The following SYTL2 variants were observed in gnomAD, a reference collection of about 807,000 sequenced individuals.
SYTL2 encodes the protein synaptotagmin-like protein 2.
SYTL2 carries 165 observed loss-of-function variants against 198.7 expected under a neutral mutation model. The ratio of observed to expected loss-of-function variants is 0.83; its 90% CI spans 0.73 to 0.94. SYTL2 has a LOEUF of 0.94. Ranked by LOEUF, SYTL2 falls within the 40% of genes least tolerant of loss-of-function variation. The probability of loss-of-function intolerance (pLI) is 0.00; values close to 1 mark genes in which losing one functional copy is unlikely to be tolerated. For missense variants in SYTL2, 2,835 were observed against 2,582.8 expected, an observed-to-expected ratio of 1.10 and a Z score of -2.12; for synonymous variants, 966 against 917.7, an observed-to-expected ratio of 1.05 and a Z score of -0.95.
chr11:85,792,836 T>C (rs1244912757), intron 1 of SYTL2, among the ~76,000 whole-genome samples: 2 of 151,186 alleles, frequency 1.3e-5, no homozygotes, highest in African/African-American at 2.4e-5. Context: ...TGTCCATGTG[T>C]TCTCACTGTT....
At chr11:85,709,039 C>T (rs1473520488) in intron 14 of SYTL2, among the ~76,000 whole-genome samples, 1 of 151,780 alleles carries the variant, frequency 6.6e-6, no homozygotes, top group Non-Finnish European at 1.5e-5. Flanking sequence ...GGGGTTTCAC[C>T]ATGTTAGCCA....
the SYTL2 span, among the ~76,000 whole-genome samples, chr11:85,830,388 T>C: frequency 4.6e-5 from 7 of 152,322 alleles, no homozygotes; most frequent in African/African-American, 1.4e-4. Context: ...TATAAACCCA[T>C]TGCTTTAACC....
intron 1 of SYTL2, among the ~76,000 whole-genome samples, chr11:85,793,091 G>A (rs1298373099): frequency 1.1e-4 from 17 of 151,814 alleles, no homozygotes; most frequent in African/African-American, 3.4e-4. Flanking sequence ...ATAAACATAC[G>A]TGTGCATGTG....
chr11:85,810,728 G>T (rs1191286194), intron 1 of SYTL2, among the ~76,000 whole-genome samples: 1 of 152,198 alleles, frequency 6.6e-6, no homozygotes, highest in Non-Finnish European at 1.5e-5. Flanking sequence ...CTTCCTGGCC[G>T]CCTGGGCAGC....
At chr11:85,814,152 T>G (rs1384586685), upstream of SYTL2, among the ~76,000 whole-genome samples, 4 of 152,152 alleles carry the variant, frequency 2.6e-5, no homozygotes, top group Non-Finnish European at 5.9e-5. Context: ...TAGCTAATGG[T>G]GTGATAATGG....
chr11:85,807,759 C>T, intron 1 of SYTL2, among the ~76,000 whole-genome samples: 1 of 152,202 alleles, frequency 6.6e-6, no homozygotes. Flanking sequence ...GCATTTTCAA[C>T]AGCAGCCCCA....
At position 85,725,562 on chromosome 11, in the gene SYTL2, T is replaced by C. The variant is rs779777102; in HGVS notation, c.3796A>G (p.Ile1266Val). Residue 1266 changes from isoleucine (I) to valine (V), a missense_variant, in exon 8 of 20, where the codon ATA becomes GTA. By Grantham distance (29) the Ile-to-Val change is conservative. Coordinates refer to ENST00000359152, the MANE Select transcript of SYTL2 (RefSeq NM_206927.4). ...SHNTSADKRE[I>V]LAPFPVRDET... ...TCTCTCACTGGAAAAGGAGCTAGTA[T>C]TTCTCTCTTATCAGCTGAAGTATTG... is the stretch of plus-strand genomic sequence containing the variant. 1 of 1,614,130 alleles carries C rather than the reference T, an allele frequency of 6.2e-7. No homozygotes were observed. The highest frequency in any genetic ancestry group is 1.1e-5 in the South Asian group (1 of 91,078).
chr11:85,820,327 T>TG, the SYTL2 span, among the ~76,000 whole-genome samples: 1 of 152,258 alleles, frequency 6.6e-6, no homozygotes, highest in Admixed American at 6.5e-5. Flanking sequence ...TTATTTCATT[T>TG]AGAAACATTA....
At chr11:85,813,158 AG>A (rs1035892396), upstream of SYTL2, among the ~76,000 whole-genome samples, 28 of 152,164 alleles carry the variant, frequency 1.8e-4, no homozygotes, top group African/African-American at 6.5e-4. Context: ...ATTTTAAGGC[AG>A]GGTCTTGTTA....
Position 85,700,540 on chromosome 11 carries a change from G to A in SYTL2, c.6243C>T (p.Leu2081=). 1 of 1,613,924 alleles carries A rather than the reference G, an allele frequency of 6.2e-7. No individual in the cohort carries two copies. Residue 2081 remains leucine (L), a synonymous_variant, in exon 17 of 20, where the codon CTC becomes CTT. Coordinates refer to ENST00000359152, the MANE Select transcript of SYTL2 (RefSeq NM_206927.4). ...CAGGGACTGGCTCTGGGACATACTG[G>A]AGAGCTAGTTTCATTTCACCTCTGT... ...AENRGEMKLA[L]QYVPEPVPGK...
intron 11 of SYTL2, among the ~76,000 whole-genome samples, chr11:85,715,409 A>G: frequency 6.6e-6 from 1 of 152,280 alleles, no homozygotes; most frequent in East Asian, 1.9e-4. Flanking sequence ...TTTCTAATCT[A>G]ATAAATATCA....
chr11:85,767,953 C>T (rs1323149472), intron 1 of SYTL2, among the ~76,000 whole-genome samples: 1 of 152,218 alleles, frequency 6.6e-6, no homozygotes, highest in East Asian at 1.9e-4. Context: ...GGCAAGGTCA[C>T]GTGAGCTCAG....
intron 7 of SYTL2, among the ~76,000 whole-genome samples, chr11:85,729,788 C>T (rs138854150): frequency 1.1e-3 from 162 of 152,218 alleles, no homozygotes; most frequent in African/African-American, 3.7e-3. Context: ...TTCAAAAAAT[C>T]AATGAATCCA....
chr11:85,721,060 G>T (rs1431391469), intron 8 of SYTL2, 101 bp from the exon 9 acceptor site: 16 of 677,884 alleles, frequency 2.4e-5, no homozygotes, highest in Non-Finnish European at 3.5e-5. Context: ...GAGACATTAT[G>T]CTATGAGTTT....
chr11:85,814,763 G>A (rs890739154), upstream of SYTL2, among the ~76,000 whole-genome samples: 3 of 152,108 alleles, frequency 2.0e-5, no homozygotes, highest in Non-Finnish European at 4.4e-5. Flanking sequence ...AATATTTATT[G>A]GTAGCATAAG....
At chr11:85,736,747 A>C in intron 5 of SYTL2, 132 bp from the exon 6 acceptor site, 1 of 629,774 alleles carries the variant, frequency 1.6e-6, no homozygotes, top group South Asian at 1.9e-5. Context: ...TTTGAAAAAC[A>C]GTTGTCCTGA....
intron 9 of SYTL2, 99 bp downstream of exon 9, chr11:85,720,759 G>A (rs2088173572): frequency 5.2e-6 from 4 of 767,380 alleles, no homozygotes; most frequent in Non-Finnish European, 9.0e-6. Flanking sequence ...CCCATTAGAG[G>A]GTGCAGTGCA....
the SYTL2 span, among the ~76,000 whole-genome samples, chr11:85,831,428 A>G: frequency 6.6e-6 from 1 of 152,186 alleles, no homozygotes; most frequent in African/African-American, 2.4e-5. Flanking sequence ...TCAAAGAGAA[A>G]AACCCATCTG....
In SYTL2 at chr11:85,703,878, C is replaced by G. The variant is rs553135798; in HGVS notation, c.6189+980G>C. On this transcript the variant is annotated intron_variant, in intron 16 of 19. Transcript: ENST00000359152. ...GTGGCAAAAGTTCTAATTTATATTACAGTTTGAATTCAAGGGTGCATATTA... is the reference window on the plus strand; with the variant it reads ...GTGGCAAAAGTTCTAATTTATATTAGAGTTTGAATTCAAGGGTGCATATTA... 2.9e-4 allele frequency among the ~76,000 whole-genome samples: 44 copies of G among 152,112 alleles called. 1 individual carries two copies. The highest frequency in any genetic ancestry group is 9.4e-4 in the African/African-American group (39 of 41,494).
Sources: allele counts gnomAD v4.1 joint callset (sites outside exome capture counted in the v4.1 genomes callset), GRCh38; gene constraint gnomAD v4.1.1; transcripts MANE v1.5; gene names NCBI Gene and HGNC (gene_info 2026-07-23, HGNC 2026-07-21).